GRB14: variants seen among roughly 807,000 people sequenced by gnomAD.
GRB14 encodes growth factor receptor bound protein 14, also known as growth factor receptor-bound protein 14.
Under a neutral mutation model 69.1 loss-of-function variants are expected in GRB14, and 38 were observed. The ratio of observed to expected loss-of-function variants is 0.55; its 90% CI spans 0.42 to 0.72. The LOEUF (loss-of-function observed/expected upper bound fraction) is 0.72. GRB14 is among the 30% of genes least tolerant of loss of function. GRB14 has a pLI of 0.00. For synonymous variants in GRB14, 247 were observed against 241.3 expected (o/e 1.02, Z -0.22); for missense variants, 666 against 666.1 (o/e 1.00, Z 0.00).
chr2:164,574,864 A>C (rs1483659487), intron 2 of GRB14, among the ~76,000 whole-genome samples: 6 of 151,688 alleles, frequency 4.0e-5, no homozygotes, highest in Non-Finnish European at 8.8e-5. Flanking sequence ...GGATTGCTTG[A>C]GCCCAGGAGT....
intron 2 of GRB14, among the ~76,000 whole-genome samples, chr2:164,601,995 C>T (rs1049537765): frequency 5.3e-5 from 8 of 152,090 alleles, no homozygotes; most frequent in Non-Finnish European, 1.0e-4. Context: ...TTCAGGCACA[C>T]TGGTTATACC....
intron 6 of GRB14, among the ~76,000 whole-genome samples, chr2:164,516,963 G>A (rs538528258): frequency 1.3e-5 from 2 of 152,280 alleles, no homozygotes; most frequent in South Asian, 4.1e-4. Flanking sequence ...GGTGGAGGTT[G>A]CATGAGCCGA....
At chr2:164,619,161 G>T (rs916547520) in intron 2 of GRB14, among the ~76,000 whole-genome samples, 4 of 152,160 alleles carry the variant, frequency 2.6e-5, no homozygotes, top group Non-Finnish European at 5.9e-5. Context: ...TGCAGCCAGA[G>T]CCTCCAAACT....
At chr2:164,612,505 G>A (rs778054761) in intron 2 of GRB14, among the ~76,000 whole-genome samples, 27 of 152,162 alleles carry the variant, frequency 1.8e-4, no homozygotes, top group Non-Finnish European at 3.4e-4. Context: ...GCAAAGACTT[G>A]TGGCCATTCT....
intron 2 of GRB14, among the ~76,000 whole-genome samples, chr2:164,577,968 C>A (rs530298088): frequency 6.6e-6 from 1 of 152,322 alleles, no homozygotes; most frequent in Admixed American, 6.5e-5. Flanking sequence ...GGCGTGGTGG[C>A]TCACGCCTAT....
In GRB14 at chr2:164,536,801, T is replaced by C. The variant is rs557539140; in HGVS notation, c.482-9666A>G. Among the ~76,000 whole-genome samples, 219 of 152,310 alleles carry C rather than the reference T, an allele frequency of 1.4e-3. 1 individual carries two copies. Among genetic ancestry groups the C allele is most frequent in the African/African-American group, 5.0e-3 (207 of 41,576 alleles). On this transcript the variant is annotated intron_variant, in intron 3 of 13. Coordinates refer to ENST00000263915, the MANE Select transcript of GRB14 (RefSeq NM_004490.3). ...TTACTTGTCTAGTTAATTGATATTA[T>C]AAACAATCTACTTTGAACAACCTTG...
Position 164,540,281 on chromosome 2 carries a change from A to G in GRB14, c.481+7379T>C, listed in dbSNP as rs374446966. On this transcript the variant is annotated intron_variant, in intron 3 of 13. Coordinates refer to ENST00000263915, the MANE Select transcript of GRB14 (RefSeq NM_004490.3). The stretch of plus-strand genomic sequence containing the variant: ...TGCTTCATTTCTCTACTCAAACATC[A>G]CTCCGTCAGGGAGGCTTTCTCTGAT... 2.0e-5 allele frequency among the ~76,000 whole-genome samples: 3 copies of G among 151,582 alleles called. No individual in the cohort carries two copies. The East Asian group carries it at 5.8e-4, about 29-fold the overall frequency.
chr2:164,510,368 T>TAC (rs1687309084), intron 6 of GRB14, among the ~76,000 whole-genome samples: 1 of 152,192 alleles, frequency 6.6e-6, no homozygotes, highest in Non-Finnish European at 1.5e-5. Context: ...AAAATCTAAG[T>TAC]ATGTGTACAT....
intron 2 of GRB14, among the ~76,000 whole-genome samples, chr2:164,615,444 T>A (rs1420011677): frequency 6.6e-6 from 1 of 152,174 alleles, no homozygotes; most frequent in East Asian, 1.9e-4. Context: ...GTTCTTCTTG[T>A]GTTATGAGGA....
chr2:164,547,620 A>G, intron 3 of GRB14, 40 bp downstream of exon 3: 2 of 1,530,586 alleles, frequency 1.3e-6, no homozygotes, highest in East Asian at 4.6e-5. Flanking sequence ...AACAAGAAAT[A>G]GAAAAGCAAT....
chr2:164,598,097 C>A (rs1558877052), intron 2 of GRB14, among the ~76,000 whole-genome samples: 3 of 152,046 alleles, frequency 2.0e-5, no homozygotes, highest in South Asian at 4.1e-4. Flanking sequence ...AAGAAGACAT[C>A]TTCTGCAAGC....
intron 2 of GRB14, among the ~76,000 whole-genome samples, chr2:164,570,423 T>A (rs2105329967): frequency 6.6e-6 from 1 of 152,244 alleles, no homozygotes; most frequent in South Asian, 2.1e-4. Context: ...GAACACACTA[T>A]TATTAAGACA....
rs561023556 is a variant in GRB14, at chr2:164,607,022, G to C, written c.324+12665C>G. On this transcript the variant is annotated intron_variant, in intron 2 of 13. Coordinates refer to ENST00000263915, the MANE Select transcript of GRB14 (RefSeq NM_004490.3). Reference sequence around the variant, plus strand: ...CTTACAAGGGAACCAAAGAGACAAAGAACAGAACCCATTCTGACCAAGGGT... The same window carrying C: ...CTTACAAGGGAACCAAAGAGACAAACAACAGAACCCATTCTGACCAAGGGT... 2.0e-5 allele frequency among the ~76,000 whole-genome samples: 3 copies of C among 152,276 alleles called. No individual in the cohort carries two copies. In the East Asian group the frequency reaches 5.8e-4, roughly 29 times the overall value.
intron 2 of GRB14, among the ~76,000 whole-genome samples, chr2:164,575,975 G>A (rs60973542): frequency 0.083 from 12,615 of 152,014 alleles, 1,750 homozygotes; most frequent in African/African-American, 0.29. Flanking sequence ...TGAATCATAA[G>A]ACAGATTCTG....
At chr2:164,514,749 A>G (rs1687434541) in intron 6 of GRB14, among the ~76,000 whole-genome samples, 1 of 152,156 alleles carries the variant, frequency 6.6e-6, no homozygotes, top group Non-Finnish European at 1.5e-5. Context: ...AAGCCTTGGC[A>G]GGTAGGGAGG....
chr2:164,573,008 T>A (rs914560794), intron 2 of GRB14, among the ~76,000 whole-genome samples: 6 of 152,176 alleles, frequency 3.9e-5, no homozygotes, highest in Non-Finnish European at 7.4e-5. Context: ...CTCAAAGACA[T>A]AGATCAAAAT....
At chr2:164,567,682 C>A (rs1689012602) in intron 2 of GRB14, among the ~76,000 whole-genome samples, 1 of 152,044 alleles carries the variant, frequency 6.6e-6, no homozygotes, top group Non-Finnish European at 1.5e-5. Flanking sequence ...GTAAGTGAGA[C>A]ATAAAAATAA....
intron 3 of GRB14, among the ~76,000 whole-genome samples, chr2:164,543,453 T>G (rs1688289833): frequency 6.6e-6 from 1 of 152,178 alleles, no homozygotes; most frequent in African/African-American, 2.4e-5. Flanking sequence ...AAGGGCATTA[T>G]CCTAAGCAAG....
At chr2:164,544,719 C>A (rs1308302329) in intron 3 of GRB14, among the ~76,000 whole-genome samples, 2 of 152,300 alleles carry the variant, frequency 1.3e-5, no homozygotes, top group East Asian at 3.9e-4. Flanking sequence ...CTGTCAAAGT[C>A]AGTTGCACTA....
Sources: gnomAD v4.1 joint callset for allele counts (sites outside exome capture counted in the v4.1 genomes callset) on GRCh38, gnomAD v4.1.1 for gene constraint, MANE v1.5 for transcripts, NCBI Gene and HGNC (gene_info 2026-07-23, HGNC 2026-07-21) for gene names.